The following MYCBP2 variants were observed in gnomAD, a reference collection of about 807,000 sequenced individuals.
MYCBP2 encodes E3 ubiquitin-protein ligase MYCBP2.
In MYCBP2, 120 loss-of-function variants were observed where a neutral mutation model predicts 525.3. The observed-to-expected ratio is 0.23, with a 90% CI of 0.20 to 0.27. MYCBP2 has a LOEUF of 0.27. Ranked by LOEUF, MYCBP2 falls within the 10% of genes least tolerant of loss-of-function variation. The pLI, the probability that MYCBP2 is intolerant of heterozygous loss-of-function variation, is 1.00. For missense variants in MYCBP2, 4,149 were observed against 5,657.1 expected (o/e 0.73, Z 8.55); for synonymous variants, 1,894 against 1,955.8 (o/e 0.97, Z 0.83).
chr13:77,185,726 A>G (rs899115369), intron 31 of MYCBP2, 145 bp downstream of exon 31: 9 of 602,514 alleles, frequency 1.5e-5, no homozygotes, highest in Non-Finnish European at 2.2e-5. Context: ...ATACATAAGC[A>G]TCATAGCAAG....
chr13:77,194,127 C>A (rs759779217), intron 27 of MYCBP2, 26 bp downstream of exon 27: 3 of 1,477,394 alleles, frequency 2.0e-6, no homozygotes, highest in Non-Finnish European at 2.8e-6. Context: ...GCAAGAGTTA[C>A]AATGAATAAT....
intron 55 of MYCBP2, chr13:77,100,494 A>C (rs1274647236): frequency 6.6e-6 from 1 of 151,956 alleles, no homozygotes; most frequent in African/African-American, 2.4e-5. Context: ...GCTTCTCCAG[A>C]AGTCTACTTT....
At position 77,212,107 on chromosome 13, in the gene MYCBP2, T is replaced by A. The variant is rs779451940; in HGVS notation, c.3111A>T (p.Pro1037=). ...TTGATCCAATGTTAGGCATGGGAGCTGGCTTTGCATTCCAATATGGCACAT... is the reference window on the plus strand; with the variant it reads ...TTGATCCAATGTTAGGCATGGGAGCAGGCTTTGCATTCCAATATGGCACAT... ...ILDVPYWNAK[P]APMPNIGSKY... is the part of the protein sequence containing the mutation. Residue 1037 remains proline (P), a synonymous_variant, in exon 22 of 83, where the codon CCA becomes CCT. Transcript: ENST00000544440. The A allele has an allele frequency of 6.2e-7, 1 of 1,614,136 alleles. No homozygotes were observed. The highest frequency in any genetic ancestry group is 1.7e-5 in the Admixed American group (1 of 60,022).
At chr13:77,085,459 T>C (rs903740111) in intron 62 of MYCBP2, among the ~76,000 whole-genome samples, 5 of 152,206 alleles carry the variant, frequency 3.3e-5, no homozygotes, top group Admixed American at 2.6e-4. Context: ...CATTCAAATC[T>C]GTGTACTTTC....
rs2043287232 is a variant in MYCBP2, at chr13:77,081,391, G to C, written c.11418+36C>G. The C allele has an allele frequency of 3.2e-6, 5 of 1,563,150 alleles. No homozygotes were observed. The highest frequency in any genetic ancestry group is 3.5e-6 in the Non-Finnish European group (4 of 1,138,634). On this transcript the variant is annotated intron_variant, in intron 65 of 82. Coordinates refer to ENST00000544440, the MANE Select transcript of MYCBP2 (RefSeq NM_015057.5). This position sits in a 1 kb window ranked among gnomAD's most constrained non-coding sequence, Gnocchi z 4.6. ...GTGCATGAATACTAAGATCTGAAAA[G>C]AGCTAAAGAGCCGTAAATCACGTTT...
chr13:77,320,816 T>C (rs2081508194), intron 1 of MYCBP2, among the ~76,000 whole-genome samples: 1 of 152,128 alleles, frequency 6.6e-6, no homozygotes, highest in African/African-American at 2.4e-5. Flanking sequence ...ACCCTTAAGG[T>C]CTAGCTTCCA....
At chr13:77,314,296 C>A (rs994696205) in intron 1 of MYCBP2, among the ~76,000 whole-genome samples, 9 of 152,172 alleles carry the variant, frequency 5.9e-5, no homozygotes, top group Admixed American at 5.2e-4. Context: ...TATGTCCACA[C>A]AAAAACCTGC....
intron 34 of MYCBP2, 105 bp downstream of exon 34, chr13:77,180,022 C>T: frequency 1.2e-6 from 1 of 842,690 alleles, no homozygotes; most frequent in Admixed American, 2.8e-5. Context: ...GGTTGCTAAT[C>T]CAATCTGAAA....
chr13:77,237,120 A>C (rs983696435), intron 17 of MYCBP2, among the ~76,000 whole-genome samples: 2 of 152,138 alleles, frequency 1.3e-5, no homozygotes, highest in Non-Finnish European at 1.5e-5. Context: ...TTACAGTAAA[A>C]CCCACAAAAA....
intron 1 of MYCBP2, among the ~76,000 whole-genome samples, chr13:77,304,151 C>T (rs184377314): frequency 1.2e-4 from 19 of 152,134 alleles, no homozygotes; most frequent in African/African-American, 4.3e-4. Context: ...GAAAAAAATC[C>T]GTATGTTGAA....
At chr13:77,307,282 C>T (rs954017548) in intron 1 of MYCBP2, among the ~76,000 whole-genome samples, 6 of 152,110 alleles carry the variant, frequency 3.9e-5, no homozygotes, top group African/African-American at 1.2e-4. Context: ...AACCATACAT[C>T]CCTCTCTTTG....
chr13:77,201,300 C>A (rs2062513836), intron 26 of MYCBP2, among the ~76,000 whole-genome samples: 1 of 148,918 alleles, frequency 6.7e-6, no homozygotes, highest in African/African-American at 2.5e-5. Context: ...CAAAGAAGGC[C>A]ATTACATAAT....
intron 22 of MYCBP2, 59 bp downstream of exon 22, chr13:77,211,897 C>A: frequency 7.6e-7 from 1 of 1,316,082 alleles, no homozygotes; most frequent in South Asian, 1.3e-5. Context: ...AAAGATAAAC[C>A]ATTTACTATC....
At chr13:77,280,128 G>A (rs1368190320) in intron 3 of MYCBP2, among the ~76,000 whole-genome samples, 1 of 152,216 alleles carries the variant, frequency 6.6e-6, no homozygotes, top group Non-Finnish European at 1.5e-5. Flanking sequence ...CCAGAAGCAA[G>A]TCGGCTGAAG....
At chr13:77,076,882 T>C (rs779482087) in intron 67 of MYCBP2, 33 bp from the exon 68 acceptor site, 1 of 1,495,484 alleles carries the variant, frequency 6.7e-7, no homozygotes, top group Admixed American at 1.7e-5. Flanking sequence ...AAGGAATTAA[T>C]GACAGGCATT....
At chr13:77,272,584 C>T (rs1172952317) in intron 5 of MYCBP2, among the ~76,000 whole-genome samples, 1 of 152,000 alleles carries the variant, frequency 6.6e-6, no homozygotes, top group Non-Finnish European at 1.5e-5. Context: ...GTCTACAGAA[C>T]ACAGCTTGAA....
chr13:77,103,893 TG>T (rs2047453189), intron 55 of MYCBP2, among the ~76,000 whole-genome samples: 1 of 152,100 alleles, frequency 6.6e-6, no homozygotes, highest in African/African-American at 2.4e-5. Flanking sequence ...ATCCTACTTC[TG>T]ATATCAAATC....
chr13:77,059,480 G>A (rs770952150), intron 77 of MYCBP2, 43 bp downstream of exon 77: 1 of 1,418,630 alleles, frequency 7.0e-7, no homozygotes, highest in East Asian at 2.3e-5. Flanking sequence ...GGTGTCACAG[G>A]GGAACATGGA....
chr13:77,246,310 A>G (rs1469807854), intron 15 of MYCBP2, among the ~76,000 whole-genome samples: 1 of 152,186 alleles, frequency 6.6e-6, no homozygotes, highest in Non-Finnish European at 1.5e-5. Context: ...ACTGTGACAC[A>G]GTAATATGCC....
Sources: gnomAD v4.1 joint callset for allele counts (sites outside exome capture counted in the v4.1 genomes callset) on GRCh38, gnomAD v4.1.1 for gene constraint, Gnocchi (gnomAD v3.1) non-coding constraint, MANE v1.5 for transcripts, NCBI Gene and HGNC (gene_info 2026-07-23, HGNC 2026-07-21) for gene names.